The following MACROD2 variants were observed in gnomAD, a reference collection of about 807,000 sequenced individuals.
MACROD2 encodes the protein ADP-ribose glycohydrolase MACROD2.
Under a neutral mutation model 70.4 loss-of-function variants are expected in MACROD2, and 36 were observed. The ratio of observed to expected loss-of-function variants is 0.51; its 90% confidence interval spans 0.39 to 0.68. The LOEUF (loss-of-function observed/expected upper bound fraction) is 0.68, where lower values mean the gene tolerates loss of function less well. Ranked by LOEUF, MACROD2 falls within the 30% of genes least tolerant of loss-of-function variation. The pLI is 0.00. For missense variants in MACROD2, 496 were observed against 538.4 expected, an observed-to-expected ratio of 0.92 and a Z score of 0.78; for synonymous variants, 172 against 178.8, an observed-to-expected ratio of 0.96 and a Z score of 0.30.
rs551945455 is a variant in MACROD2 at position 15,263,648 on chromosome 20, C to T, written c.540+33587C>T. Reference sequence around the variant, plus strand: ...TATGGATATTTTAACAATATTGATTCTTCCAATCCATGAACGTGGAATATC... The same window carrying T: ...TATGGATATTTTAACAATATTGATTTTTCCAATCCATGAACGTGGAATATC... On this transcript the variant is annotated intron_variant, in intron 6 of 17. Coordinates refer to ENST00000684519, the MANE Select transcript of MACROD2 (RefSeq NM_001351661.2). 4.6e-4 allele frequency among the ~76,000 whole-genome samples: 70 copies of T among 152,178 alleles called. No homozygotes were observed. In the South Asian group the frequency reaches 0.014, roughly 31 times the overall value.
intron 5 of MACROD2, among the ~76,000 whole-genome samples, chr20:14,985,633 A>G (rs1341928609): frequency 6.6e-6 from 1 of 151,504 alleles, no homozygotes; most frequent in Non-Finnish European, 1.5e-5. Flanking sequence ...AATGGAGTAG[A>G]CATTGGTGAC....
chr20:14,282,811 C>T (rs914297490), intron 3 of MACROD2, among the ~76,000 whole-genome samples: 4 of 152,238 alleles, frequency 2.6e-5, no homozygotes, highest in South Asian at 2.1e-4. Context: ...GACCAGATCA[C>T]GTGAGAACTC....
chr20:14,623,700 G>A (rs1983966553), intron 4 of MACROD2, among the ~76,000 whole-genome samples: 1 of 152,174 alleles, frequency 6.6e-6, no homozygotes, highest in Non-Finnish European at 1.5e-5. Context: ...TCCCTGAAAA[G>A]CCAGTGGTAG....
At chr20:14,493,717 C>CTCT (rs11471579) in intron 4 of MACROD2, 423,232 of 428,472 alleles carry the variant, frequency 0.99, 209,253 homozygotes, top group East Asian at 1. Context: ...ATATACAGTA[C>CTCT]TCTTGTCAAA....
At chr20:14,186,225 T>G (rs1046170861) in intron 3 of MACROD2, among the ~76,000 whole-genome samples, 8 of 152,190 alleles carry the variant, frequency 5.3e-5, no homozygotes, top group Non-Finnish European at 1.0e-4. Flanking sequence ...ATAAAATTAG[T>G]TGTTACCAGA....
chr20:15,180,026 T>C (rs971413918), intron 5 of MACROD2, among the ~76,000 whole-genome samples: 1 of 152,218 alleles, frequency 6.6e-6, no homozygotes, highest in African/African-American at 2.4e-5. Context: ...CATATGGTCC[T>C]CCCTTTGTGC....
At chr20:15,171,843 A>G (rs929275141) in intron 5 of MACROD2, among the ~76,000 whole-genome samples, 2 of 152,180 alleles carry the variant, frequency 1.3e-5, no homozygotes, top group African/African-American at 4.8e-5. Flanking sequence ...TGTCCCACAC[A>G]CTACACTCTA....
intron 8 of MACROD2, among the ~76,000 whole-genome samples, chr20:15,603,433 G>A (rs533827067): frequency 3.3e-5 from 5 of 151,392 alleles, no homozygotes; most frequent in East Asian, 1.9e-4. Flanking sequence ...GCTTGAACCC[G>A]GGAGGTGGAG....
intron 8 of MACROD2, among the ~76,000 whole-genome samples, chr20:15,571,509 A>G (rs987211345): frequency 6.6e-5 from 10 of 152,096 alleles, no homozygotes; most frequent in African/African-American, 2.2e-4. Context: ...TCTTAGTTAT[A>G]AACTTTATAT....
chr20:14,940,148 C>CAAAA lies in MACROD2; in HGVS notation c.418+255214_418+255217dup, dbSNP rs57697517. Among the ~76,000 whole-genome samples the CAAAA allele has an allele frequency of 7.9e-3, 432 of 54,980 alleles. 18 individuals are homozygous for CAAAA. Among genetic ancestry groups the CAAAA allele is most frequent in the Non-Finnish European group, 0.012 (303 of 24,638 alleles). The allele number at this position is 54,980 out of a possible 152,430, so 36.1% of individuals were successfully genotyped here. On this transcript the variant is annotated intron_variant, in intron 5 of 17. Transcript: ENST00000684519. The stretch of plus-strand genomic sequence containing the variant: ...CAACATATGGAAACCCTCATCTCTG[C>CAAAA]AAAAAAAAAAAAAAAAAAAAAAAAA...
intron 5 of MACROD2, among the ~76,000 whole-genome samples, chr20:15,122,440 A>G (rs563849985): frequency 6.6e-6 from 1 of 152,344 alleles, no homozygotes; most frequent in South Asian, 2.1e-4. Context: ...CAAGTGGAAT[A>G]TTTGTTGCCT....
intron 6 of MACROD2, among the ~76,000 whole-genome samples, chr20:15,335,403 T>C (rs1165239712): frequency 1.3e-5 from 2 of 151,766 alleles, no homozygotes; most frequent in African/African-American, 4.9e-5. Flanking sequence ...TGTATCTCTG[T>C]TGTAGAAAGT....
intron 5 of MACROD2, among the ~76,000 whole-genome samples, chr20:15,011,289 G>A (rs2075080525): frequency 6.6e-6 from 1 of 151,982 alleles, no homozygotes; most frequent in African/African-American, 2.4e-5. Context: ...AGGAAGAGCA[G>A]GAAAGAGAGA....
chr20:15,002,458 ATTGT>A (rs1453556396), intron 5 of MACROD2, among the ~76,000 whole-genome samples: 4 of 151,600 alleles, frequency 2.6e-5, no homozygotes, highest in Admixed American at 6.6e-5. Context: ...TTTCGATGGG[ATTGT>A]TTGTTTTTTT....
chr20:14,928,689 G>A (rs1490596865), intron 5 of MACROD2, among the ~76,000 whole-genome samples: 1 of 152,118 alleles, frequency 6.6e-6, no homozygotes, highest in African/African-American at 2.4e-5. Flanking sequence ...GATGCCACAT[G>A]GTAGCTGAGG....
intron 5 of MACROD2, chr20:15,196,844 A>G: frequency 7.1e-6 from 7 of 985,248 alleles, no homozygotes; most frequent in South Asian, 4.7e-5. Flanking sequence ...AGTCTTATCC[A>G]TACCAGATAT....
intron 3 of MACROD2, among the ~76,000 whole-genome samples, chr20:14,418,835 T>G (rs2122887807): frequency 6.6e-6 from 1 of 152,306 alleles, no homozygotes; most frequent in Non-Finnish European, 1.5e-5. Flanking sequence ...GAGGTCCAAC[T>G]TTCATTTTGA....
chr20:15,327,168 A>G (rs2077939311), intron 6 of MACROD2, among the ~76,000 whole-genome samples: 1 of 152,126 alleles, frequency 6.6e-6, no homozygotes, highest in African/African-American at 2.4e-5. Flanking sequence ...TTGGAGGAAA[A>G]AATGTTTTAA....
intron 5 of MACROD2, among the ~76,000 whole-genome samples, chr20:14,890,585 T>C (rs929666085): frequency 6.6e-6 from 1 of 151,608 alleles, no homozygotes; most frequent in African/African-American, 2.4e-5. Flanking sequence ...CTGGGCAACA[T>C]AGTGAGACCC....
Sources: allele counts gnomAD v4.1 joint callset (sites outside exome capture counted in the v4.1 genomes callset), GRCh38; gene constraint gnomAD v4.1.1; transcripts MANE v1.5; gene names NCBI Gene and HGNC (gene_info 2026-07-23, HGNC 2026-07-21).